ARMH3: variants seen among roughly 807,000 people sequenced by gnomAD.
ARMH3 encodes the protein armadillo like helical domain containing 3.
Under a neutral mutation model 99.1 loss-of-function variants are expected in ARMH3, and 60 were observed. The observed-to-expected ratio is 0.61, with a 90% CI of 0.49 to 0.75. The LOEUF (loss-of-function observed/expected upper bound fraction) is 0.75. Among genes scored for constraint, ARMH3 ranks in the 30% least tolerant of loss-of-function variants. The pLI is 0.00. For missense variants in ARMH3, 679 were observed against 843.1 expected (o/e 0.81, Z 2.41); for synonymous variants, 285 against 292.8 (o/e 0.97, Z 0.27).
intron 1 of ARMH3, among the ~76,000 whole-genome samples, chr10:102,047,144 T>C (rs1263644144): frequency 6.6e-6 from 1 of 152,198 alleles, no homozygotes; most frequent in Admixed American, 6.5e-5. Context: ...GTAATTTTTT[T>C]AAGGATAAAA....
intron 23 of ARMH3, among the ~76,000 whole-genome samples, chr10:101,927,224 C>T (rs1843542693): frequency 6.6e-6 from 1 of 152,174 alleles, no homozygotes; most frequent in Admixed American, 6.5e-5. Flanking sequence ...ATTTATCATA[C>T]TATAAAATTA....
At chr10:101,916,285 C>T (rs1356259357) in intron 23 of ARMH3, among the ~76,000 whole-genome samples, 2 of 152,124 alleles carry the variant, frequency 1.3e-5, no homozygotes, top group Non-Finnish European at 2.9e-5. Context: ...TGCTTTCCTT[C>T]TCAAAATAAC....
intron 23 of ARMH3, among the ~76,000 whole-genome samples, chr10:101,931,893 C>A (rs754403569): frequency 6.6e-6 from 1 of 151,912 alleles, no homozygotes; most frequent in Admixed American, 6.6e-5. Context: ...AAGCAACAAG[C>A]GAAAAAATAG....
chr10:101,866,042 G>A (rs544072983), intron 24 of ARMH3, among the ~76,000 whole-genome samples: 351 of 151,690 alleles, frequency 2.3e-3, no homozygotes, highest in African/African-American at 8.1e-3. Context: ...CCAACATGGC[G>A]AAACCCCATC....
At chr10:102,021,764 T>C (rs900898944) in intron 8 of ARMH3, among the ~76,000 whole-genome samples, 1 of 152,076 alleles carries the variant, frequency 6.6e-6, no homozygotes, top group South Asian at 2.1e-4. Context: ...GCCAGGATGG[T>C]CTCGATCTCC....
intron 1 of ARMH3, among the ~76,000 whole-genome samples, chr10:102,044,051 G>A (rs2136262517): frequency 1.3e-5 from 2 of 150,970 alleles, no homozygotes; most frequent in East Asian, 3.9e-4. Context: ...TGAGTAGCTG[G>A]GACTACAGAT....
intron 14 of ARMH3, among the ~76,000 whole-genome samples, chr10:102,004,912 A>C (rs938792258): frequency 3.3e-5 from 5 of 152,120 alleles, no homozygotes; most frequent in African/African-American, 9.7e-5. Context: ...TCTACTAAAA[A>C]TACAAAAATT....
intron 14 of ARMH3, 132 bp from the exon 15 acceptor site, chr10:102,002,204 T>C (rs964279950): frequency 1.5e-6 from 2 of 1,347,166 alleles, no homozygotes; most frequent in Non-Finnish European, 2.0e-6. Context: ...GAGGACCAAG[T>C]GCTCATCACA....
chr10:102,009,443 A>G lies in ARMH3; in HGVS notation c.885T>C (p.Asn295=), dbSNP rs935783881. 17 of 1,613,580 alleles carry G rather than the reference A, an allele frequency of 1.1e-5. No individual in the cohort carries two copies. The highest frequency in any genetic ancestry group is 1.3e-5 in the Non-Finnish European group (15 of 1,179,636). ...CATAAAGTGCCAGAAGAATGGCCTC[A>G]TTGGTTCTAAAGAAAAAGAGAACAA... ...DAHEKISVQT[N]EAILLALYEA... is the part of the protein sequence containing the mutation. The change falls in exon 13 of 26, where the codon AAT becomes AAC. Residue 295 remains asparagine (N), a synonymous_variant. Transcript: ENST00000370033.
chr10:101,941,994 T>G (rs920222792), intron 22 of ARMH3, among the ~76,000 whole-genome samples: 1 of 152,180 alleles, frequency 6.6e-6, no homozygotes, highest in African/African-American at 2.4e-5. Flanking sequence ...ACAGAGGTAT[T>G]GAACTCTGTC....
At chr10:102,006,432 G>T in intron 14 of ARMH3, 108 bp downstream of exon 14, 1 of 1,269,062 alleles carries the variant, frequency 7.9e-7, no homozygotes, top group Non-Finnish European at 1.1e-6. Context: ...GACCAATTTA[G>T]TGGGAAAAAT....
intron 23 of ARMH3, among the ~76,000 whole-genome samples, chr10:101,911,080 G>A (rs976668108): frequency 6.6e-6 from 1 of 151,748 alleles, no homozygotes; most frequent in Non-Finnish European, 1.5e-5. Flanking sequence ...GGCGGAGGTT[G>A]CAGTGAGCCA....
At chr10:101,849,037 G>C (rs753181279) in intron 25 of ARMH3, among the ~76,000 whole-genome samples, 1 of 152,218 alleles carries the variant, frequency 6.6e-6, no homozygotes, top group African/African-American at 2.4e-5. Flanking sequence ...CAATTGGCAT[G>C]GGGTAAGTAA....
intron 19 of ARMH3, among the ~76,000 whole-genome samples, chr10:101,985,860 T>C (rs572069757): frequency 6.6e-6 from 1 of 151,792 alleles, no homozygotes; most frequent in African/African-American, 2.4e-5. Flanking sequence ...CTACTAAAAA[T>C]ACAAAAAATT....
intron 23 of ARMH3, among the ~76,000 whole-genome samples, chr10:101,901,743 A>C (rs1308375629): frequency 6.6e-6 from 1 of 152,192 alleles, no homozygotes; most frequent in African/African-American, 2.4e-5. Flanking sequence ...AGAGGATGGG[A>C]GAAAGCAGGG....
At chr10:102,038,730 T>C (rs1164275928) in intron 2 of ARMH3, among the ~76,000 whole-genome samples, 1 of 151,886 alleles carries the variant, frequency 6.6e-6, no homozygotes, top group Non-Finnish European at 1.5e-5. Flanking sequence ...AGAAACCCAA[T>C]ATATGGTCTT....
intron 7 of ARMH3, 40 bp downstream of exon 7, chr10:102,023,635 G>T: frequency 1.9e-6 from 3 of 1,609,696 alleles, no homozygotes; most frequent in Non-Finnish European, 2.6e-6. Context: ...AATTTGAAGA[G>T]GTGGTTTACC....
At chr10:101,917,796 A>G (rs1387096648) in intron 23 of ARMH3, among the ~76,000 whole-genome samples, 1 of 152,158 alleles carries the variant, frequency 6.6e-6, no homozygotes, top group East Asian at 1.9e-4. Flanking sequence ...TGACTTACAA[A>G]CTTCATTAAT....
At chr10:101,961,199 C>T (rs920587670) in intron 20 of ARMH3, among the ~76,000 whole-genome samples, 4 of 152,202 alleles carry the variant, frequency 2.6e-5, no homozygotes, top group South Asian at 2.1e-4. Context: ...TTGCTCAGCA[C>T]GAGCCACCTC....
Sources: gnomAD v4.1 joint callset for allele counts (sites outside exome capture counted in the v4.1 genomes callset) on GRCh38, gnomAD v4.1.1 for gene constraint, MANE v1.5 for transcripts, NCBI Gene and HGNC (gene_info 2026-07-23, HGNC 2026-07-21) for gene names.